SGCD: variants seen among roughly 807,000 people sequenced by gnomAD.
SGCD encodes delta-sarcoglycan.
In SGCD, 18 loss-of-function variants were observed where a neutral mutation model predicts 36.6. The observed-to-expected ratio is 0.49, with a 90% CI of 0.34 to 0.73. The LOEUF is 0.73. SGCD is among the 30% of genes least tolerant of loss of function. The pLI, the probability that SGCD is intolerant of heterozygous loss-of-function variation, is 0.01. For missense variants in SGCD, 387 were observed against 346.7 expected (o/e 1.12, Z -0.92); for synonymous variants, 133 against 130.6 (o/e 1.02, Z -0.12).
chr5:156,501,451 G>A lies in SGCD; in HGVS notation c.193-7150G>A, dbSNP rs114094712. 6.1e-3 allele frequency among the ~76,000 whole-genome samples: 933 copies of A among 152,266 alleles called. 10 individuals carry two copies. Among genetic ancestry groups the A allele is most frequent in the African/African-American group, 0.021 (855 of 41,540 alleles). On this transcript the variant is annotated intron_variant, in intron 3 of 8. Coordinates refer to ENST00000337851, the MANE Select transcript of SGCD (RefSeq NM_000337.6). ...AAGAACCAATATTTCAGTCTATTGC[G>A]CTGCTACTCTGATTCTCTTTATTCT...
intron 7 of SGCD, among the ~76,000 whole-genome samples, chr5:156,717,795 C>A (rs564060046): frequency 6.6e-6 from 1 of 152,084 alleles, no homozygotes; most frequent in Non-Finnish European, 1.5e-5. Flanking sequence ...CCATCCTAAG[C>A]TTGCTATGTC....
chr5:156,745,321 C>G (rs182391962), intron 7 of SGCD, among the ~76,000 whole-genome samples: 1 of 152,318 alleles, frequency 6.6e-6, no homozygotes, highest in East Asian at 1.9e-4. Context: ...TTGATAACTT[C>G]AAACTGGCCT....
chr5:156,553,052 C>T (rs1034572648), intron 4 of SGCD, among the ~76,000 whole-genome samples: 2 of 152,102 alleles, frequency 1.3e-5, no homozygotes, highest in Non-Finnish European at 1.5e-5. Context: ...TTCCAAAAGG[C>T]GAAGGGCAGC....
intron 3 of SGCD, among the ~76,000 whole-genome samples, chr5:156,370,770 T>C (rs1367496063): frequency 1.3e-5 from 2 of 151,994 alleles, no homozygotes; most frequent in African/African-American, 4.8e-5. Context: ...ATGACATTAA[T>C]AGGAGCAAAA....
chr5:156,735,026 T>C (rs1391530916), intron 7 of SGCD, among the ~76,000 whole-genome samples: 1 of 152,180 alleles, frequency 6.6e-6, no homozygotes, highest in Non-Finnish European at 1.5e-5. Context: ...GGTTTTTTTG[T>C]TTTGTTTTAA....
chr5:156,366,553 G>A (rs932160705), intron 3 of SGCD, among the ~76,000 whole-genome samples: 2 of 152,150 alleles, frequency 1.3e-5, no homozygotes, highest in African/African-American at 4.8e-5. Context: ...GTGCTTTGCA[G>A]AAGAAAAAAT....
chr5:156,096,207 C>T (rs1272424214), intron 1 of SGCD, among the ~76,000 whole-genome samples: 6 of 152,190 alleles, frequency 3.9e-5, no homozygotes. Context: ...GCCCTGGTGT[C>T]CTTCCATGGC....
intron 1 of SGCD, among the ~76,000 whole-genome samples, chr5:155,955,592 A>T (rs1307280654): frequency 6.6e-6 from 1 of 152,048 alleles, no homozygotes; most frequent in Non-Finnish European, 1.5e-5. Flanking sequence ...GAACTCTCAT[A>T]TGTGATGATA....
chr5:156,327,648 G>T lies in SGCD; in HGVS notation c.-44+416G>T, dbSNP rs528817541. Among the ~76,000 whole-genome samples, 26 of 150,378 alleles carry T rather than the reference G, an allele frequency of 1.7e-4. No individual in the cohort carries two copies. In the East Asian group the frequency reaches 2.7e-3, roughly 16 times the overall value. On this transcript the variant is annotated intron_variant, in intron 1 of 8. Transcript: ENST00000337851. ...CAAGAGTTTTAATGGGGAGTTTTTTGTTGTTGTTGTTTTTTAATAGTAGAA... is the reference window on the plus strand; with the variant it reads ...CAAGAGTTTTAATGGGGAGTTTTTTTTTGTTGTTGTTTTTTAATAGTAGAA...
intron 3 of SGCD, among the ~76,000 whole-genome samples, chr5:156,473,856 A>C (rs1031714669): frequency 4.6e-5 from 7 of 152,202 alleles, no homozygotes; most frequent in African/African-American, 1.7e-4. Context: ...AATCATATCC[A>C]CAAGGCTTGA....
chr5:155,925,778 G>T (rs917701104), intron 1 of SGCD, among the ~76,000 whole-genome samples: 1 of 152,078 alleles, frequency 6.6e-6, no homozygotes, highest in African/African-American at 2.4e-5. Context: ...ACCTTACCCA[G>T]CTAATTTTTG....
intron 7 of SGCD, among the ~76,000 whole-genome samples, chr5:156,670,142 A>T (rs1001633037): frequency 6.6e-6 from 1 of 152,222 alleles, no homozygotes; most frequent in African/African-American, 2.4e-5. Context: ...AATGTAAAGG[A>T]TTAAAATATG....
intron 3 of SGCD, among the ~76,000 whole-genome samples, chr5:156,504,387 T>G (rs1052115894): frequency 5.8e-4 from 47 of 80,954 alleles, no homozygotes; most frequent in Non-Finnish European, 9.7e-4. Context: ...TGTGGGTGTG[T>G]GTGTGTATAT....
chr5:155,945,432 C>G (rs974815011), intron 1 of SGCD, among the ~76,000 whole-genome samples: 2 of 152,174 alleles, frequency 1.3e-5, no homozygotes, highest in Non-Finnish European at 2.9e-5. Context: ...CCCTTCCACT[C>G]ATAGGATTTA....
At chr5:156,289,106 C>A (rs1766692304) in intron 3 of SGCD, among the ~76,000 whole-genome samples, 1 of 151,968 alleles carries the variant, frequency 6.6e-6, no homozygotes, top group African/African-American at 2.4e-5. Context: ...CTATAAAGTT[C>A]TCTGTTAAAG....
chr5:156,092,825 T>A (rs1427593954), intron 1 of SGCD, among the ~76,000 whole-genome samples: 5 of 152,354 alleles, frequency 3.3e-5, no homozygotes, highest in East Asian at 3.9e-4. Flanking sequence ...TTTCTTTAGT[T>A]CCAGGCCTCC....
At chr5:156,050,965 T>C (rs1034422355) in intron 1 of SGCD, among the ~76,000 whole-genome samples, 1 of 146,488 alleles carries the variant, frequency 6.8e-6, no homozygotes, top group Non-Finnish European at 1.5e-5. Flanking sequence ...TAAGTCTCTT[T>C]TGACATAAAA....
At chr5:156,007,550 G>T (rs1249131869) in intron 1 of SGCD, among the ~76,000 whole-genome samples, 1 of 152,166 alleles carries the variant, frequency 6.6e-6, no homozygotes, top group Admixed American at 6.5e-5. Flanking sequence ...CTCCAGTCTG[G>T]CTGAGTAGTG....
rs1030408610 is a variant in SGCD, at chr5:156,030,769, G to A, written c.-281-87109G>A. Among the ~76,000 whole-genome samples the A allele has an allele frequency of 9.2e-5, 14 of 152,156 alleles. No individual in the cohort carries two copies. The South Asian group carries it at 2.7e-3, about 29-fold the overall frequency. On this transcript the variant is annotated intron_variant, in intron 1 of 9. Coordinates refer to the SGCD transcript ENST00000517913. The stretch of plus-strand genomic sequence containing the variant: ...GGCCCTGGGTCTTGAGAGTGAGCAG[G>A]GTTGGGACATCTAAGGTGCAAAGGA...
Sources: allele counts gnomAD v4.1 joint callset (sites outside exome capture counted in the v4.1 genomes callset), GRCh38; gene constraint gnomAD v4.1.1; transcripts MANE v1.5; gene names NCBI Gene and HGNC (gene_info 2026-07-23, HGNC 2026-07-21).